The following NRDC variants were observed in gnomAD, a reference collection of about 807,000 sequenced individuals.
NRDC encodes the protein nardilysin convertase, also known as nardilysin.
In NRDC, 54 loss-of-function variants were observed where a neutral mutation model predicts 147.1. The ratio of observed to expected loss-of-function variants is 0.37; its 90% confidence interval spans 0.29 to 0.46. The LOEUF is 0.46. NRDC is among the 20% of genes least tolerant of loss of function. The pLI, the probability that NRDC is intolerant of heterozygous loss-of-function variation, is 1.00. For missense variants in NRDC, 1,082 were observed against 1,370.6 expected (o/e 0.79, Z 3.33); for synonymous variants, 440 against 482.1 (o/e 0.91, Z 1.14).
chr1:51,866,425 T>G (rs779237381), intron 1 of NRDC, among the ~76,000 whole-genome samples: 7 of 152,154 alleles, frequency 4.6e-5, no homozygotes, highest in Non-Finnish European at 1.0e-4. Context: ...CTCATAGGTA[T>G]GTGCCCTAGA....
chr1:51,874,145 T>TA (rs539045743), intron 1 of NRDC, among the ~76,000 whole-genome samples: 7,271 of 128,984 alleles, frequency 0.056, 394 homozygotes, highest in African/African-American at 0.16. Flanking sequence ...TTTTAATCAT[T>TA]AAAAAAAAAA....
At chr1:51,872,203 T>A (rs1683118405) in intron 1 of NRDC, among the ~76,000 whole-genome samples, 1 of 152,158 alleles carries the variant, frequency 6.6e-6, no homozygotes, top group Non-Finnish European at 1.5e-5. Context: ...TCTGGTTTTG[T>A]TTTTTTGAGA....
At chr1:51,830,784 G>A (rs856606) in intron 4 of NRDC, among the ~76,000 whole-genome samples, 1,754 of 152,226 alleles carry the variant, frequency 0.012, 30 homozygotes, top group African/African-American at 0.04. Context: ...TGGTAAAGAC[G>A]GCTTCCATGC....
At chr1:51,853,048 CCT>C in intron 1 of NRDC, among the ~76,000 whole-genome samples, 1 of 151,838 alleles carries the variant, frequency 6.6e-6, no homozygotes, top group Non-Finnish European at 1.5e-5. Context: ...ATGGTGAAAC[CCT>C]GTCTCTACTA....
chr1:51,855,347 T>A (rs921317153), intron 1 of NRDC, among the ~76,000 whole-genome samples: 1 of 152,174 alleles, frequency 6.6e-6, no homozygotes, highest in East Asian at 1.9e-4. Flanking sequence ...TATGTCCTTA[T>A]TGTGCCAGGC....
chr1:51,870,959 T>C (rs1683056766), intron 1 of NRDC, among the ~76,000 whole-genome samples: 3 of 152,076 alleles, frequency 2.0e-5, no homozygotes, highest in South Asian at 4.1e-4. Context: ...ACTGTTTTTA[T>C]CCTAAAATCT....
chr1:51,793,441 C>G (rs148241150), intron 24 of NRDC, among the ~76,000 whole-genome samples: 58 of 152,324 alleles, frequency 3.8e-4, no homozygotes, highest in Middle Eastern at 3.4e-3. Flanking sequence ...CAGAGAGAAG[C>G]AGGGCCTCTA....
At chr1:51,825,153 G>C in intron 6 of NRDC, 134 bp downstream of exon 6, 1 of 632,884 alleles carries the variant, frequency 1.6e-6, no homozygotes, top group Non-Finnish European at 2.7e-6. Flanking sequence ...GCGTTTGAAA[G>C]GCTAACTAGC....
intron 15 of NRDC, 89 bp downstream of exon 15, chr1:51,811,905 T>G (rs924585052): frequency 2.2e-5 from 17 of 789,840 alleles, no homozygotes; most frequent in South Asian, 7.8e-5. Flanking sequence ...CTAAGTTTTC[T>G]TCGTTCCCAT....
chr1:51,871,516 A>T (rs550238272), intron 1 of NRDC, among the ~76,000 whole-genome samples: 3 of 7,448 alleles, frequency 4.0e-4, no homozygotes, highest in Non-Finnish European at 1.1e-3. Context: ...CTGGTTCATT[A>T]AAAAAAAAAA....
intron 16 of NRDC, 21 bp from the exon 17 acceptor site, chr1:51,809,422 C>T: frequency 2.0e-6 from 3 of 1,480,736 alleles, no homozygotes; most frequent in South Asian, 1.1e-5. Context: ...GAAAAATAAA[C>T]TGACCCAATA....
At chr1:51,807,796 C>CA (rs1679536369) in intron 17 of NRDC, among the ~76,000 whole-genome samples, 1 of 127,480 alleles carries the variant, frequency 7.8e-6, no homozygotes, top group Non-Finnish European at 1.6e-5. Flanking sequence ...ATAATTAATA[C>CA]TTTTTTTTTT....
chr1:51,865,289 A>T (rs964560488), intron 1 of NRDC, among the ~76,000 whole-genome samples: 5 of 151,646 alleles, frequency 3.3e-5, no homozygotes, highest in Non-Finnish European at 5.9e-5. Flanking sequence ...GGAAATACAA[A>T]TTTTTTAAGT....
At chr1:51,822,666 A>G (rs2149209779) in intron 7 of NRDC, among the ~76,000 whole-genome samples, 1 of 152,346 alleles carries the variant, frequency 6.6e-6, no homozygotes, top group East Asian at 1.9e-4. Context: ...AGAAAAACAC[A>G]TGGAATTATT....
chr1:51,840,348 C>G lies in NRDC; in HGVS notation c.508G>C (p.Glu170Gln), dbSNP rs769086492. ...AACTCATCTTCATCATCAAAACCCT[C>G]TTCATCGTCATCTTCTATTTCAGCT... is the stretch of plus-strand genomic sequence containing the variant. ...SGAEIEDDDE[E>Q]GFDDEDEFDD... Residue 170 changes from glutamate (E) to glutamine (Q), a missense_variant, in exon 2 of 31, where the codon GAG (glutamate) becomes CAG (glutamine). Physicochemically the swap from Glu to Gln is conservative, Grantham distance 29 (BLOSUM62 2). Coordinates refer to ENST00000352171, the MANE Select transcript of NRDC (RefSeq NM_001101662.2). 2 of 1,533,710 alleles carry G rather than the reference C, an allele frequency of 1.3e-6. No individual in the cohort carries two copies. The highest frequency in any genetic ancestry group is 1.8e-6 in the Non-Finnish European group (2 of 1,107,464).
chr1:51,818,027 C>G (rs751833363), intron 10 of NRDC, 39 bp downstream of exon 10: 3 of 1,482,942 alleles, frequency 2.0e-6, no homozygotes, highest in Non-Finnish European at 2.8e-6. Flanking sequence ...ATTACTCTCA[C>G]TTGGTTCTAA....
intron 18 of NRDC, among the ~76,000 whole-genome samples, chr1:51,806,001 A>G (rs1195422656): frequency 6.6e-6 from 1 of 152,300 alleles, no homozygotes; most frequent in Non-Finnish European, 1.5e-5. Context: ...AATAAACTCA[A>G]TAATCCCACA....
intron 1 of NRDC, among the ~76,000 whole-genome samples, chr1:51,868,612 G>A (rs2792589): frequency 0.022 from 3,390 of 152,242 alleles, 113 homozygotes; most frequent in African/African-American, 0.078. Context: ...AGTGGTTCAT[G>A]CCCGTAATTC....
rs149668264 is a variant in NRDC, at chr1:51,819,844, A to G, written c.1247T>C (p.Leu416Ser). Residue 416 changes from leucine (L) to serine (S), a missense_variant, in exon 9 of 31, where the codon TTA becomes TCA. Leu to Ser is a moderately radical substitution (Grantham distance 145). This residue lies in a region of NRDC where 635 missense variants were observed against 923.8 expected (regional missense o/e 0.69). Coordinates refer to ENST00000352171, the MANE Select transcript of NRDC (RefSeq NM_001101662.2). ...NGLPRPNFGH[L>S]TDPFDTPAFN... ...TGCTGGTGTGTCAAATGGATCCGTTAAATGGCCAAAGTTTGGTCTGGGTAA... is the reference window on the plus strand; with the variant it reads ...TGCTGGTGTGTCAAATGGATCCGTTGAATGGCCAAAGTTTGGTCTGGGTAA... 195 of 1,608,134 alleles carry G rather than the reference A, an allele frequency of 1.2e-4. No individual in the cohort carries two copies. The highest frequency in any genetic ancestry group is 1.6e-4 in the Non-Finnish European group (186 of 1,177,098).
Sources: gnomAD v4.1 joint callset for allele counts (sites outside exome capture counted in the v4.1 genomes callset) on GRCh38, gnomAD v4.1.1 for gene constraint, gnomAD v4.1.1 regional missense constraint, MANE v1.5 for transcripts, NCBI Gene and HGNC (gene_info 2026-07-23, HGNC 2026-07-21) for gene names.